Variants in CCSER1 observed in about 807,000 individuals in gnomAD.
CCSER1 encodes serine-rich coiled-coil domain-containing protein 1.
CCSER1 carries 41 observed loss-of-function variants against 82.0 expected under a neutral mutation model. The observed-to-expected ratio is 0.50, with a 90% confidence interval of 0.39 to 0.65. The LOEUF (loss-of-function observed/expected upper bound fraction) is 0.65. CCSER1 is among the 30% of genes least tolerant of loss of function. The probability of loss-of-function intolerance (pLI) is 0.00; values close to 1 mark genes in which losing one functional copy is unlikely to be tolerated. For synonymous variants in CCSER1, 414 were observed against 383.9 expected, an observed-to-expected ratio of 1.08 and a Z score of -0.92; for missense variants, 1,119 against 1,064.2, an observed-to-expected ratio of 1.05 and a Z score of -0.72.
In CCSER1 at chr4:91,259,812, T is replaced by C. The variant is rs1272764233; in HGVS notation, c.2217+173818T>C. Among the ~76,000 whole-genome samples, 3 of 152,202 alleles carry C rather than the reference T, an allele frequency of 2.0e-5. No individual in the cohort carries two copies. In the East Asian group the frequency reaches 5.8e-4, roughly 29 times the overall value. The stretch of plus-strand genomic sequence containing the variant: ...CGCATAGCATTCCATGGTGTATATG[T>C]GCCACATTTTCTTTATTCATCTCTC... On this transcript the variant is annotated intron_variant, in intron 10 of 10. Transcript: ENST00000509176.
At chr4:90,637,927 G>C (rs999585347) in intron 6 of CCSER1, among the ~76,000 whole-genome samples, 2 of 152,126 alleles carry the variant, frequency 1.3e-5, no homozygotes, top group African/African-American at 4.8e-5. Context: ...ACCAAACTTG[G>C]AAAGTGTTTC....
At chr4:91,374,490 TACTGA>T (rs1291588501) in intron 10 of CCSER1, among the ~76,000 whole-genome samples, 3 of 152,204 alleles carry the variant, frequency 2.0e-5, no homozygotes, top group Non-Finnish European at 4.4e-5. Context: ...ACAACAAAGA[TACTGA>T]ATGTTTTAAG....
At chr4:90,413,893 G>A (rs371439036) in intron 4 of CCSER1, among the ~76,000 whole-genome samples, 2 of 132,388 alleles carry the variant, frequency 1.5e-5, no homozygotes, top group Non-Finnish European at 3.1e-5. Context: ...AGCTTGCAGT[G>A]AGCCAAGATT....
intron 5 of CCSER1, among the ~76,000 whole-genome samples, chr4:90,557,484 T>G (rs1294710506): frequency 6.6e-6 from 1 of 152,072 alleles, no homozygotes; most frequent in Non-Finnish European, 1.5e-5. Context: ...ATTAGACTGG[T>G]GGGTACACTT....
chr4:90,394,840 T>A (rs1480949693), intron 3 of CCSER1, among the ~76,000 whole-genome samples: 2 of 152,186 alleles, frequency 1.3e-5, no homozygotes, highest in Non-Finnish European at 2.9e-5. Context: ...GTGTACAACA[T>A]GATTTTGATA....
chr4:90,244,209 GAA>G (rs1238814931), intron 1 of CCSER1, among the ~76,000 whole-genome samples: 2 of 152,154 alleles, frequency 1.3e-5, no homozygotes, highest in African/African-American at 4.8e-5. Context: ...TGAGTGGAGA[GAA>G]AATTATGAGA....
intron 10 of CCSER1, among the ~76,000 whole-genome samples, chr4:91,509,627 CT>C (rs972169702): frequency 1.2e-4 from 18 of 152,116 alleles, no homozygotes; most frequent in African/African-American, 4.3e-4. Context: ...TGTTCACCTT[CT>C]GCCTAGTTGT....
At position 90,947,440 on chromosome 4, in the gene CCSER1, C is replaced by T. The variant is rs532517229; in HGVS notation, c.2172+23993C>T. Among the ~76,000 whole-genome samples the T allele has an allele frequency of 1.8e-4, 27 of 152,228 alleles. No individual in the cohort carries two copies. In the South Asian group the frequency reaches 5.0e-3, roughly 28 times the overall value. ...AGCTATCTCAATTTTTAACATATGA[C>T]ATAAACATTATTTACACCATATTCT... On this transcript the variant is annotated intron_variant, in intron 9 of 10. Transcript: ENST00000509176.
intron 5 of CCSER1, among the ~76,000 whole-genome samples, chr4:90,540,193 A>G (rs1329391799): frequency 6.6e-6 from 1 of 152,164 alleles, no homozygotes; most frequent in African/African-American, 2.4e-5. Context: ...GCAAACTATT[A>G]GGGAGATTCA....
chr4:91,348,364 T>C (rs966483930), intron 10 of CCSER1, among the ~76,000 whole-genome samples: 1 of 152,180 alleles, frequency 6.6e-6, no homozygotes, highest in South Asian at 2.1e-4. Flanking sequence ...TTATATACAT[T>C]GTTGGATTTA....
rs1272809271 is a variant in CCSER1, at chr4:90,276,311, CTTTCTTT to C, written c.-41-31930_-41-31924del. 3.5e-3 allele frequency among the ~76,000 whole-genome samples: 317 copies of C among 89,794 alleles called. 2 individuals carry two copies. Among genetic ancestry groups the C allele is most frequent in the African/African-American group, 0.013 (297 of 23,162 alleles). 58.9% of individuals were successfully genotyped at this position (89,794 alleles called of 152,430 possible). On this transcript the variant is annotated intron_variant, in intron 1 of 10. Coordinates refer to ENST00000509176, the MANE Select transcript of CCSER1 (RefSeq NM_001145065.2). Reference sequence around the variant, plus strand: ...CCTTCCTTCCTTCCTTCCTTCCTTTCTTTCTTTTTCTTTCTTTCTTTCTTTCTTCTTT... The same window carrying C: ...CCTTCCTTCCTTCCTTCCTTCCTTTCTTCTTTCTTTCTTTCTTTCTTCTTT...
At chr4:91,447,723 A>C (rs1016274608) in intron 10 of CCSER1, among the ~76,000 whole-genome samples, 1 of 152,160 alleles carries the variant, frequency 6.6e-6, no homozygotes. Flanking sequence ...TGACAGCCCC[A>C]TTTTTGTTTA....
intron 10 of CCSER1, among the ~76,000 whole-genome samples, chr4:91,511,589 A>G (rs1759828211): frequency 6.6e-6 from 1 of 152,162 alleles, no homozygotes; most frequent in Non-Finnish European, 1.5e-5. Context: ...CGCATCACTC[A>G]TATTACTGCC....
At chr4:91,295,530 G>T (rs1406060371) in intron 10 of CCSER1, among the ~76,000 whole-genome samples, 1 of 151,602 alleles carries the variant, frequency 6.6e-6, no homozygotes, top group Non-Finnish European at 1.5e-5. Flanking sequence ...ACTGAAATAT[G>T]GGAAAGTAAA....
intron 2 of CCSER1, among the ~76,000 whole-genome samples, chr4:90,312,640 AT>A (rs1735503868): frequency 6.6e-6 from 1 of 152,140 alleles, no homozygotes; most frequent in Non-Finnish European, 1.5e-5. Context: ...CATTTATGTG[AT>A]TAATGTGAGC....
chr4:91,236,592 T>G (rs1157494525), intron 10 of CCSER1, among the ~76,000 whole-genome samples: 4 of 152,196 alleles, frequency 2.6e-5, no homozygotes, highest in African/African-American at 4.8e-5. Flanking sequence ...ATTTAAAATT[T>G]TATTTCATAC....
chr4:90,277,369 G>A (rs563302273), intron 1 of CCSER1, among the ~76,000 whole-genome samples: 13 of 152,090 alleles, frequency 8.5e-5, no homozygotes, highest in Non-Finnish European at 1.9e-4. Flanking sequence ...TAAGCAAAAA[G>A]AACAAAGCCA....
intron 10 of CCSER1, among the ~76,000 whole-genome samples, chr4:91,231,089 T>C (rs181489513): frequency 1.5e-3 from 224 of 151,990 alleles, no homozygotes; most frequent in Non-Finnish European, 2.5e-3. Context: ...TTAGCTACCA[T>C]ATTAATGAGA....
intron 10 of CCSER1, among the ~76,000 whole-genome samples, chr4:91,379,610 A>T (rs1750714538): frequency 6.6e-6 from 1 of 152,056 alleles, no homozygotes; most frequent in Non-Finnish European, 1.5e-5. Context: ...CCCCTTTATC[A>T]TTTTTTATTG....
Sources: allele counts gnomAD v4.1 joint callset (sites outside exome capture counted in the v4.1 genomes callset), GRCh38; gene constraint gnomAD v4.1.1; transcripts MANE v1.5; gene names NCBI Gene and HGNC (gene_info 2026-07-23, HGNC 2026-07-21).